Variants in RSF1 observed in about 807,000 individuals in gnomAD.
RSF1 encodes the protein remodeling and spacing factor 1, also known as HBV pX-associated protein 8.
A neutral mutation model predicts 145.2 loss-of-function variants in RSF1; 13 were observed. The observed-to-expected ratio is 0.09, with a 90% CI of 0.06 to 0.14. The LOEUF (loss-of-function observed/expected upper bound fraction) is 0.14. RSF1 is among the 10% of genes least tolerant of loss of function. The probability of loss-of-function intolerance (pLI) is 1.00; values close to 1 mark genes in which losing one functional copy is unlikely to be tolerated. For synonymous variants in RSF1, 577 were observed against 592.6 expected (o/e 0.97, Z 0.38); for missense variants, 1,517 against 1,718.2 (o/e 0.88, Z 2.07).
chr11:77,854,215 A>C, the RSF1 span, among the ~76,000 whole-genome samples: 1 of 151,836 alleles, frequency 6.6e-6, no homozygotes, highest in Non-Finnish European at 1.5e-5. Flanking sequence ...GATTGGCTCG[A>C]TCTCCTGACC....
chr11:77,807,111 T>A (rs973542638), intron 1 of RSF1, among the ~76,000 whole-genome samples: 7 of 152,196 alleles, frequency 4.6e-5, no homozygotes, highest in African/African-American at 7.2e-5. Context: ...TAACTCCCAA[T>A]CTAATTTTCT....
intron 1 of RSF1, among the ~76,000 whole-genome samples, chr11:77,790,922 G>T (rs768707185): frequency 6.6e-6 from 1 of 152,184 alleles, no homozygotes; most frequent in Admixed American, 6.5e-5. Context: ...GACTGTCTGC[G>T]GCTTTTCCAG....
chr11:77,791,235 T>G (rs1006734444), intron 1 of RSF1, among the ~76,000 whole-genome samples: 1 of 152,198 alleles, frequency 6.6e-6, no homozygotes, highest in Non-Finnish European at 1.5e-5. Context: ...CAAATGGAAG[T>G]TGCCAAGGCT....
At chr11:77,759,961 A>G (rs1948155469) in intron 2 of RSF1, among the ~76,000 whole-genome samples, 1 of 152,140 alleles carries the variant, frequency 6.6e-6, no homozygotes, top group African/African-American at 2.4e-5. Flanking sequence ...AACCTCATAA[A>G]TTGCTATGAA....
chr11:77,859,183 CTTCTT>C, the RSF1 span, among the ~76,000 whole-genome samples: 1 of 152,206 alleles, frequency 6.6e-6, no homozygotes, highest in African/African-American at 2.4e-5. Context: ...CATTCTATTT[CTTCTT>C]TTGAGTACAG....
chr11:77,753,222 T>C (rs1590867915), intron 2 of RSF1, among the ~76,000 whole-genome samples: 2 of 152,240 alleles, frequency 1.3e-5, no homozygotes, highest in Non-Finnish European at 2.9e-5. Flanking sequence ...GAACACTCTC[T>C]TGGGGTCTGG....
At position 77,737,621 on chromosome 11, in the gene RSF1, G is replaced by GGTGTGTGTGTGT. The variant is rs1170824350; in HGVS notation, c.578+3098_578+3109dup. On this transcript the variant is annotated intron_variant, in intron 4 of 15. Coordinates refer to ENST00000308488, the MANE Select transcript of RSF1 (RefSeq NM_016578.4). Reference sequence around the variant, plus strand: ...GAAAGAAGTTTTATGTGTTTTGGGGGGTGTGTGTGTGTGTGTGTGTGTGTG... The same window carrying GGTGTGTGTGTGT: ...GAAAGAAGTTTTATGTGTTTTGGGGGGTGTGTGTGTGTGTGTGTGTGTGTGTGTGTGTGTGTG... Among the ~76,000 whole-genome samples the GGTGTGTGTGTGT allele has an allele frequency of 3.1e-4, 29 of 93,530 alleles. No individual in the cohort carries two copies. In the East Asian group the frequency reaches 3.4e-3, roughly 11 times the overall value. The allele number at this position is 93,530 out of a possible 152,430, so 61.4% of individuals were successfully genotyped here. A position where few individuals can be genotyped will look rare whatever the true frequency, so the allele number is the denominator to read the frequency against.
chr11:77,810,415 A>G (rs1020521228), intron 1 of RSF1, among the ~76,000 whole-genome samples: 9 of 152,214 alleles, frequency 5.9e-5, no homozygotes, highest in Non-Finnish European at 1.2e-4. Flanking sequence ...AAGCTTTTAG[A>G]CTCACCTAAC....
chr11:77,749,664 C>T (rs956047392), intron 2 of RSF1, among the ~76,000 whole-genome samples: 1 of 152,152 alleles, frequency 6.6e-6, no homozygotes, highest in Non-Finnish European at 1.5e-5. Flanking sequence ...ATCCTTTGCC[C>T]CCACACTGTT....
chr11:77,697,345 A>C (rs1960300313), intron 7 of RSF1, among the ~76,000 whole-genome samples: 1 of 151,372 alleles, frequency 6.6e-6, no homozygotes, highest in South Asian at 2.1e-4. Flanking sequence ...GTTTGCCTTT[A>C]AAGTGAAATC....
At chr11:77,828,588 G>A in the RSF1 span, among the ~76,000 whole-genome samples, 20 of 149,748 alleles carry the variant, frequency 1.3e-4, no homozygotes, top group African/African-American at 2.0e-4. Context: ...GAAGAATGGC[G>A]TGAACCCGGG....
intron 5 of RSF1, among the ~76,000 whole-genome samples, chr11:77,706,688 G>A (rs941109475): frequency 6.6e-6 from 1 of 151,162 alleles, no homozygotes; most frequent in East Asian, 1.9e-4. Flanking sequence ...TTTACTTTAG[G>A]TTCAAGGGTA....
chr11:77,757,211 G>A (rs571129136), intron 2 of RSF1, among the ~76,000 whole-genome samples: 98 of 152,280 alleles, frequency 6.4e-4, no homozygotes, highest in African/African-American at 2.1e-3. Context: ...GTTGAATACA[G>A]TTCTTTATGC....
At position 77,766,646 on chromosome 11, in the gene RSF1, C is replaced by T. The variant is rs191863634; in HGVS notation, c.188-1957G>A. On this transcript the variant is annotated intron_variant, in intron 1 of 15. Coordinates refer to ENST00000308488, the MANE Select transcript of RSF1 (RefSeq NM_016578.4). ...GCACAAAAACAACAGATGCAAATAG[C>T]TAAAAAACCAAAAAGAACATGGAAC... is the stretch of plus-strand genomic sequence containing the variant. 2.3e-3 allele frequency among the ~76,000 whole-genome samples: 343 copies of T among 152,124 alleles called. 1 individual carries two copies. The highest frequency in any genetic ancestry group is 3.3e-3 in the Non-Finnish European group (221 of 67,990).
At chr11:77,836,369 T>C in the RSF1 span, among the ~76,000 whole-genome samples, 1 of 151,952 alleles carries the variant, frequency 6.6e-6, no homozygotes, top group South Asian at 2.1e-4. Flanking sequence ...GGTGAATTTA[T>C]AAAAAGAGAA....
intron 14 of RSF1, 88 bp downstream of exon 14, chr11:77,674,948 G>A (rs1683963313): frequency 6.7e-6 from 7 of 1,042,480 alleles, no homozygotes; most frequent in South Asian, 1.6e-5. Flanking sequence ...GCAGTGAGCC[G>A]AGATGGTGCC....
chr11:77,799,664 A>C (rs1307100920), intron 1 of RSF1, among the ~76,000 whole-genome samples: 1 of 152,112 alleles, frequency 6.6e-6, no homozygotes, highest in Non-Finnish European at 1.5e-5. Context: ...TCCTGTCTCT[A>C]TGAATTTGCC....
At chr11:77,676,690 TGAA>T (rs1402786971) in intron 13 of RSF1, 99 bp downstream of exon 13, 3 of 889,640 alleles carry the variant, frequency 3.4e-6, no homozygotes, top group African/African-American at 1.7e-5. Context: ...TCTATGTACA[TGAA>T]GAAGAAAACC....
chr11:77,799,503 CCAA>C (rs1948606337), intron 1 of RSF1, among the ~76,000 whole-genome samples: 1 of 118,152 alleles, frequency 8.5e-6, no homozygotes. Flanking sequence ...GACCCTGTCT[CCAA>C]AAAAAAAAAA....
Sources: gnomAD v4.1 joint callset for allele counts (sites outside exome capture counted in the v4.1 genomes callset) on GRCh38, gnomAD v4.1.1 for gene constraint, MANE v1.5 for transcripts, NCBI Gene and HGNC (gene_info 2026-07-23, HGNC 2026-07-21) for gene names.